The following FHIT variants were observed in gnomAD, a reference collection of about 807,000 sequenced individuals.
FHIT encodes bis(5'-adenosyl)-triphosphatase.
FHIT carries 19 observed loss-of-function variants against 17.9 expected under a neutral mutation model. That is an observed-to-expected ratio of 1.06 (90% CI 0.74 to 1.56). The LOEUF is 1.56. FHIT is among the 40% of genes most tolerant of loss of function. The probability of loss-of-function intolerance (pLI) is 0.00; values close to 1 mark genes in which losing one functional copy is unlikely to be tolerated. For synonymous variants in FHIT, 81 were observed against 69.7 expected (o/e 1.16, Z -0.81); for missense variants, 248 against 189.2 (o/e 1.31, Z -1.82).
chr3:60,545,612 G>T (rs187697723), intron 4 of FHIT, among the ~76,000 whole-genome samples: 50 of 152,184 alleles, frequency 3.3e-4, no homozygotes, highest in African/African-American at 1.2e-3. Context: ...TAACCTGAGG[G>T]TTATTTCATA....
chr3:60,905,389 C>T (rs1553764279), intron 3 of FHIT, among the ~76,000 whole-genome samples: 1 of 152,176 alleles, frequency 6.6e-6, no homozygotes, highest in Non-Finnish European at 1.5e-5. Flanking sequence ...GGAAATTTGG[C>T]ATTAGTTAAC....
At chr3:60,436,355 C>A (rs2030238047) in intron 5 of FHIT, among the ~76,000 whole-genome samples, 1 of 151,882 alleles carries the variant, frequency 6.6e-6, no homozygotes, top group Admixed American at 6.6e-5. Context: ...CAGCCAGTAC[C>A]ACATTTTCTT....
intron 5 of FHIT, among the ~76,000 whole-genome samples, chr3:60,496,499 C>G (rs2034305509): frequency 6.6e-6 from 1 of 152,090 alleles, no homozygotes; most frequent in Non-Finnish European, 1.5e-5. Flanking sequence ...TGTGCCAATG[C>G]AAACATCATG....
intron 5 of FHIT, among the ~76,000 whole-genome samples, chr3:60,382,390 G>C (rs1700836718): frequency 6.6e-6 from 1 of 152,194 alleles, no homozygotes; most frequent in Admixed American, 6.5e-5. Context: ...AATAAGCCAT[G>C]AGCGAAGTGT....
intron 5 of FHIT, among the ~76,000 whole-genome samples, chr3:60,331,912 T>C (rs1217331284): frequency 6.6e-6 from 1 of 151,600 alleles, no homozygotes; most frequent in Non-Finnish European, 1.5e-5. Flanking sequence ...AAGCATGCCC[T>C]AAGATCTGTA....
chr3:61,115,080 A>G (rs985787814), intron 2 of FHIT, among the ~76,000 whole-genome samples: 5 of 152,190 alleles, frequency 3.3e-5, no homozygotes, highest in African/African-American at 1.2e-4. Flanking sequence ...ATGGTAAATC[A>G]TCTGTTCATT....
chr3:60,764,887 T>C (rs1364378445), intron 4 of FHIT, among the ~76,000 whole-genome samples: 2 of 151,992 alleles, frequency 1.3e-5, no homozygotes, highest in African/African-American at 4.8e-5. Context: ...CAAATAGAGG[T>C]AACATATTGC....
chr3:60,130,729 A>T (rs1356862353), intron 5 of FHIT, among the ~76,000 whole-genome samples: 1 of 138,436 alleles, frequency 7.2e-6, no homozygotes, highest in Non-Finnish European at 1.6e-5. Flanking sequence ...TTCAAAATAC[A>T]GTCTTACTGA....
intron 3 of FHIT, among the ~76,000 whole-genome samples, chr3:61,020,057 A>C (rs1202475575): frequency 6.6e-6 from 1 of 152,114 alleles, no homozygotes; most frequent in African/African-American, 2.4e-5. Context: ...TAACCTAGTA[A>C]TGGGACGGCT....
chr3:60,470,243 G>A (rs1315496692), intron 5 of FHIT, among the ~76,000 whole-genome samples: 1 of 151,954 alleles, frequency 6.6e-6, no homozygotes, highest in Non-Finnish European at 1.5e-5. Context: ...AAGTCCCAAG[G>A]GTTCTGCAAT....
At chr3:60,800,039 C>T (rs537840914) in intron 4 of FHIT, among the ~76,000 whole-genome samples, 6 of 152,198 alleles carry the variant, frequency 3.9e-5, no homozygotes, top group East Asian at 3.9e-4. Context: ...CTGGACCTAT[C>T]GAACCATTCT....
At chr3:59,910,353 C>A (rs1704810458) in intron 8 of FHIT, among the ~76,000 whole-genome samples, 1 of 152,194 alleles carries the variant, frequency 6.6e-6, no homozygotes, top group African/African-American at 2.4e-5. Flanking sequence ...GCATTTATCT[C>A]AGTGAGCAGA....
intron 2 of FHIT, among the ~76,000 whole-genome samples, chr3:61,078,877 T>C (rs7650309): frequency 0.35 from 53,362 of 152,118 alleles, 11,830 homozygotes; most frequent in Non-Finnish European, 0.49. Flanking sequence ...ATTTCTTTAA[T>C]GAGCATTCTA....
intron 7 of FHIT, among the ~76,000 whole-genome samples, chr3:59,971,280 T>C (rs189708676): frequency 6.6e-6 from 1 of 152,130 alleles, no homozygotes; most frequent in African/African-American, 2.4e-5. Flanking sequence ...TAGCAGGTGC[T>C]TTGATAGCTG....
chr3:59,948,430 T>C (rs1212924209), intron 7 of FHIT, among the ~76,000 whole-genome samples: 1 of 151,308 alleles, frequency 6.6e-6, no homozygotes. Flanking sequence ...GTCAGGAGAA[T>C]TGCTTGAATT....
intron 3 of FHIT, among the ~76,000 whole-genome samples, chr3:60,988,388 C>T (rs751934430): frequency 2.0e-5 from 3 of 152,084 alleles, no homozygotes; most frequent in Non-Finnish European, 2.9e-5. Context: ...AGAATCCCTA[C>T]GTGATGGAGC....
At chr3:60,518,831 A>T (rs1030280867) in intron 5 of FHIT, among the ~76,000 whole-genome samples, 4 of 152,072 alleles carry the variant, frequency 2.6e-5, no homozygotes, top group Non-Finnish European at 5.9e-5. Flanking sequence ...CAACATGGGG[A>T]AACTTCGTCT....
intron 3 of FHIT, among the ~76,000 whole-genome samples, chr3:60,888,064 C>A (rs1300696403): frequency 1.3e-5 from 2 of 152,116 alleles, no homozygotes; most frequent in African/African-American, 4.8e-5. Context: ...TTAAGTCCGG[C>A]CTGAAATCTG....
At position 60,365,047 on chromosome 3, in the gene FHIT, A is replaced by AATAT. The variant is rs143401970; in HGVS notation, c.103+171809_103+171812dup. On this transcript the variant is annotated intron_variant, in intron 5 of 9. Transcript: ENST00000492590. ...ATGTTTGTATGTATGTATCTATCTG[A>AATAT]ATATATATATATATATTCTATTGGT... Among the ~76,000 whole-genome samples, 189 of 148,556 alleles carry AATAT rather than the reference A, an allele frequency of 1.3e-3. 1 individual carries two copies. The highest frequency in any genetic ancestry group is 2.5e-3 in the African/African-American group (101 of 40,686).
Sources: gnomAD v4.1 joint callset for allele counts (sites outside exome capture counted in the v4.1 genomes callset) on GRCh38, gnomAD v4.1.1 for gene constraint, MANE v1.5 for transcripts, NCBI Gene and HGNC (gene_info 2026-07-23, HGNC 2026-07-21) for gene names.